KIAA1328: variants seen among roughly 807,000 people sequenced by gnomAD.
KIAA1328 encodes the protein protein hinderin.
A neutral mutation model predicts 68.1 loss-of-function variants in KIAA1328; 52 were observed. The observed-to-expected ratio is 0.76, with a 90% CI of 0.61 to 0.96. The LOEUF is 0.96. KIAA1328 is among the 40% of genes least tolerant of loss of function. The pLI is 0.00. For synonymous variants in KIAA1328, 232 were observed against 239.4 expected (o/e 0.97, Z 0.28); for missense variants, 641 against 677.6 (o/e 0.95, Z 0.60).
chr18:37,207,541 A>G (rs2060238898), intron 9 of KIAA1328, among the ~76,000 whole-genome samples: 1 of 152,194 alleles, frequency 6.6e-6, no homozygotes, highest in Admixed American at 6.5e-5. Flanking sequence ...GTGTCACCCA[A>G]TAGTTGTAAA....
At chr18:37,211,602 A>G (rs2060317341) in intron 9 of KIAA1328, among the ~76,000 whole-genome samples, 1 of 152,232 alleles carries the variant, frequency 6.6e-6, no homozygotes, top group South Asian at 2.1e-4. Context: ...GTACAGGATG[A>G]GCATGAAAAA....
chr18:36,865,714 C>T (rs774434405), intron 4 of KIAA1328, among the ~76,000 whole-genome samples: 18 of 152,172 alleles, frequency 1.2e-4, no homozygotes, highest in African/African-American at 2.4e-5. Context: ...GCCCTCTTCT[C>T]CCTGCTTGTG....
intron 7 of KIAA1328, among the ~76,000 whole-genome samples, chr18:37,139,045 C>T (rs1388332573): frequency 2.7e-5 from 4 of 150,398 alleles, no homozygotes; most frequent in African/African-American, 4.9e-5. Context: ...CAAGCTCCGC[C>T]TCCCGGGTTC....
At chr18:37,122,002 A>G (rs2058284709) in intron 7 of KIAA1328, among the ~76,000 whole-genome samples, 1 of 152,142 alleles carries the variant, frequency 6.6e-6, no homozygotes, top group East Asian at 1.9e-4. Flanking sequence ...CATAGTATAT[A>G]GTATTTGGTT....
chr18:36,990,581 G>A (rs1004163248), intron 6 of KIAA1328, among the ~76,000 whole-genome samples: 2 of 151,968 alleles, frequency 1.3e-5, no homozygotes, highest in Non-Finnish European at 2.9e-5. Flanking sequence ...TGAGGCAGGA[G>A]AATTGCTTGA....
chr18:37,180,706 T>A (rs2059683291), intron 9 of KIAA1328, among the ~76,000 whole-genome samples: 1 of 152,032 alleles, frequency 6.6e-6, no homozygotes, highest in Non-Finnish European at 1.5e-5. Context: ...TCAACCAGGT[T>A]TTCTGATGTT....
intron 6 of KIAA1328, among the ~76,000 whole-genome samples, chr18:37,064,618 T>G (rs2056280271): frequency 6.7e-6 from 1 of 148,662 alleles, no homozygotes. Flanking sequence ...GCAAGAGACT[T>G]TGCAGATGTG....
chr18:36,995,988 A>G (rs2053376193), intron 6 of KIAA1328, among the ~76,000 whole-genome samples: 1 of 152,210 alleles, frequency 6.6e-6, no homozygotes, highest in Non-Finnish European at 1.5e-5. Flanking sequence ...TCACTTCTCT[A>G]TGCTACTTGC....
intron 9 of KIAA1328, among the ~76,000 whole-genome samples, chr18:37,216,990 G>GTTTTTTTTTTT (rs1219798631): frequency 1.8e-4 from 7 of 39,484 alleles, no homozygotes; most frequent in African/African-American, 8.2e-4. Flanking sequence ...TTTTTTTTTT[G>GTTTTTTTTTTT]TTTGTTTTTT....
chr18:36,959,643 G>A (rs545823849), intron 6 of KIAA1328, among the ~76,000 whole-genome samples: 11 of 152,224 alleles, frequency 7.2e-5, no homozygotes, highest in African/African-American at 2.6e-4. Flanking sequence ...ATTACTTGAA[G>A]CAGTCTGTGT....
At chr18:36,892,659 T>C (rs1274259692) in intron 5 of KIAA1328, among the ~76,000 whole-genome samples, 1 of 152,196 alleles carries the variant, frequency 6.6e-6, no homozygotes, top group African/African-American at 2.4e-5. Flanking sequence ...GGCCATTTTA[T>C]TTACTCTATG....
At chr18:37,150,654 G>C (rs905610368) in intron 7 of KIAA1328, among the ~76,000 whole-genome samples, 7 of 151,310 alleles carry the variant, frequency 4.6e-5, no homozygotes, top group Middle Eastern at 3.5e-3. Flanking sequence ...GCATAATACA[G>C]CTTGACTAAA....
chr18:37,172,459 T>C (rs1002784868), intron 8 of KIAA1328, among the ~76,000 whole-genome samples: 4 of 152,212 alleles, frequency 2.6e-5, no homozygotes, highest in African/African-American at 9.6e-5. Flanking sequence ...TTAGGAACTT[T>C]CCCATGGCAC....
chr18:37,050,298 A>C (rs569468006), intron 6 of KIAA1328, among the ~76,000 whole-genome samples: 1 of 152,250 alleles, frequency 6.6e-6, no homozygotes, highest in South Asian at 2.1e-4. Context: ...GCGTCCTTAA[A>C]TGAATCTTAG....
chr18:37,062,038 T>G (rs973816590), intron 6 of KIAA1328, among the ~76,000 whole-genome samples: 2 of 152,210 alleles, frequency 1.3e-5, no homozygotes, highest in African/African-American at 2.4e-5. Flanking sequence ...TCCACGCGCT[T>G]TATATGTATT....
chr18:37,084,751 C>T (rs974258069), intron 7 of KIAA1328, among the ~76,000 whole-genome samples: 2 of 152,156 alleles, frequency 1.3e-5, no homozygotes, highest in Non-Finnish European at 2.9e-5. Context: ...TTTATCTCTA[C>T]CTATTTCCTT....
At chr18:36,868,494 C>T (rs530909789) in intron 4 of KIAA1328, among the ~76,000 whole-genome samples, 2 of 152,158 alleles carry the variant, frequency 1.3e-5, no homozygotes. Flanking sequence ...TGCTGAAAGA[C>T]GCTGATAATT....
chr18:37,199,249 C>G (rs1330961324), intron 9 of KIAA1328, among the ~76,000 whole-genome samples: 1 of 152,140 alleles, frequency 6.6e-6, no homozygotes, highest in Non-Finnish European at 1.5e-5. Flanking sequence ...CTCCCTCCTC[C>G]CACCTTCTGC....
At chr18:37,004,289 G>C (rs1312019789) in intron 6 of KIAA1328, among the ~76,000 whole-genome samples, 1 of 151,878 alleles carries the variant, frequency 6.6e-6, no homozygotes, top group African/African-American at 2.4e-5. Flanking sequence ...TTTCCTTGTA[G>C]GGGTCTTTCA....
Sources: gnomAD v4.1 joint callset for allele counts (sites outside exome capture counted in the v4.1 genomes callset) on GRCh38, gnomAD v4.1.1 for gene constraint, MANE v1.5 for transcripts, NCBI Gene and HGNC (gene_info 2026-07-23, HGNC 2026-07-21) for gene names.